CACNA1C: variants seen among roughly 807,000 people sequenced by gnomAD.
The protein encoded by CACNA1C is calcium voltage-gated channel subunit alpha1 C, also known as voltage-dependent L-type calcium channel subunit alpha-1C.
Under a neutral mutation model 229.0 loss-of-function variants are expected in CACNA1C, and 30 were observed. The observed-to-expected ratio is 0.13, with a 90% CI of 0.10 to 0.18. CACNA1C has a LOEUF of 0.18. Ranked by LOEUF, CACNA1C falls within the 10% of genes least tolerant of loss-of-function variation. The pLI is 1.00. For synonymous variants in CACNA1C, 1,114 were observed against 1,132.5 expected, an observed-to-expected ratio of 0.98 and a Z score of 0.33; for missense variants, 1,658 against 2,845.0, an observed-to-expected ratio of 0.58 and a Z score of 9.49.
intron 3 of CACNA1C, among the ~76,000 whole-genome samples, chr12:2,399,316 C>T (rs2098642138): frequency 5.3e-5 from 8 of 152,138 alleles, no homozygotes; most frequent in Admixed American, 3.3e-4. Context: ...AGGGCGACAG[C>T]CTTTTACCCC....
In CACNA1C at chr12:2,608,734, G is replaced by A; in HGVS notation, c.3558+22G>A. 1 of 1,612,274 alleles carries A rather than the reference G, an allele frequency of 6.2e-7. No homozygotes were observed. Among genetic ancestry groups the A allele is most frequent in the Non-Finnish European group, 8.5e-7 (1 of 1,179,002 alleles). ...CCAGGTAGCTTCCTAGGAAGGAGCGGAGGGAAGCGGGGCCCACGGAGGGAA... is the reference window on the plus strand; with the variant it reads ...CCAGGTAGCTTCCTAGGAAGGAGCGAAGGGAAGCGGGGCCCACGGAGGGAA... On this transcript the variant is annotated intron_variant, in intron 27 of 46. Transcript: ENST00000399655. This position sits in a 1 kb window ranked among gnomAD's most constrained non-coding sequence, Gnocchi z 4.2.
intron 10 of CACNA1C, among the ~76,000 whole-genome samples, chr12:2,552,804 G>A (rs2042027897): frequency 6.6e-6 from 1 of 152,144 alleles, no homozygotes; most frequent in African/African-American, 2.4e-5. Flanking sequence ...ACGACAGAGT[G>A]CTCACTCAGG....
chr12:2,550,064 G>C, intron 10 of CACNA1C, 31 bp downstream of exon 10: 1 of 1,422,634 alleles, frequency 7.0e-7, no homozygotes, highest in Non-Finnish European at 9.8e-7. Context: ...CAGGGGCTGG[G>C]GCTTTTTCTG....
At chr12:2,570,294 T>C (rs1014434145) in intron 13 of CACNA1C, among the ~76,000 whole-genome samples, 5 of 152,172 alleles carry the variant, frequency 3.3e-5, no homozygotes, top group Admixed American at 2.0e-4. Flanking sequence ...GTTCAGGATC[T>C]GGAGCTGATG....
In CACNA1C at chr12:2,653,352, CTTTTAAA is replaced by C. The variant is rs958123622; in HGVS notation, c.4075-478_4075-472del. ...AACAGGATTTGAACCCATGATCTTT[CTTTTAAA>C]TTTTTCCTTATTAAATGTTTCCATT... On this transcript the variant is annotated intron_variant, in intron 32 of 46. Coordinates refer to ENST00000399655, the MANE Select transcript of CACNA1C (RefSeq NM_000719.7). The surrounding 1 kb of genome is among the most constrained non-coding windows in gnomAD (Gnocchi z 4.7). Among the ~76,000 whole-genome samples, 1 of 152,284 alleles carries C rather than the reference CTTTTAAA, an allele frequency of 6.6e-6. No individual in the cohort carries two copies. Among genetic ancestry groups the C allele is most frequent in the African/African-American group, 2.4e-5 (1 of 41,554 alleles).
intron 5 of CACNA1C, among the ~76,000 whole-genome samples, chr12:2,468,235 A>G (rs2099570574): frequency 6.6e-6 from 1 of 152,250 alleles, no homozygotes; most frequent in South Asian, 2.1e-4. Context: ...CATGGCAAAG[A>G]ATGCCTGCAG....
chr12:2,235,004 A>G (rs1485758085), intron 3 of CACNA1C, among the ~76,000 whole-genome samples: 4 of 152,128 alleles, frequency 2.6e-5, no homozygotes, highest in Non-Finnish European at 2.9e-5. Context: ...CTATGAACAC[A>G]TAGCCTTTGT....
At chr12:2,652,893 G>GT (rs1555966697) in intron 32 of CACNA1C, among the ~76,000 whole-genome samples, 7 of 80,340 alleles carry the variant, frequency 8.7e-5, no homozygotes, top group African/African-American at 1.9e-4. Flanking sequence ...TACTCTCCCT[G>GT]CCCCCCCGAC....
chr12:2,043,818 GC>G, intron 1 of CACNA1C, among the ~76,000 whole-genome samples: 2 of 136,798 alleles, frequency 1.5e-5, no homozygotes, highest in South Asian at 4.7e-4. Flanking sequence ...ATTGCGCCCG[GC>G]TAATTTTTTG....
At chr12:2,476,004 C>CA (rs542088261) in intron 5 of CACNA1C, among the ~76,000 whole-genome samples, 2 of 151,880 alleles carry the variant, frequency 1.3e-5, no homozygotes, top group East Asian at 1.9e-4. Flanking sequence ...CAGTTTTTTC[C>CA]AAAAAAAGAT....
rs758859203 is a variant in CACNA1C at position 2,630,361 on chromosome 12, C to T, written c.3829-3936C>T. Among the ~76,000 whole-genome samples the T allele has an allele frequency of 6.9e-4, 105 of 152,096 alleles. No homozygotes were observed. The highest frequency in any genetic ancestry group is 1.2e-3 in the Non-Finnish European group (83 of 68,024). ...AAAAACAGAGAGAAGAGAGATGAGA[C>T]AGCATCAAGCCCTTCCACTCCCGAG... is the stretch of plus-strand genomic sequence containing the variant. On this transcript the variant is annotated intron_variant, in intron 29 of 46. Coordinates refer to ENST00000399655, the MANE Select transcript of CACNA1C (RefSeq NM_000719.7). The surrounding 1 kb of genome is among the most constrained non-coding windows in gnomAD (Gnocchi z 5.4).
At chr12:2,494,875 C>T (rs1461959662) in intron 7 of CACNA1C, among the ~76,000 whole-genome samples, 1 of 152,200 alleles carries the variant, frequency 6.6e-6, no homozygotes, top group Non-Finnish European at 1.5e-5. Flanking sequence ...GGACCTTGTA[C>T]CCAGCAAACA....
At chr12:2,531,241 G>A (rs1375470748) in intron 9 of CACNA1C, among the ~76,000 whole-genome samples, 3 of 152,158 alleles carry the variant, frequency 2.0e-5, no homozygotes, top group Non-Finnish European at 4.4e-5. Context: ...CATCTGACTC[G>A]AAAGCCTTCC....
intron 1 of CACNA1C, among the ~76,000 whole-genome samples, chr12:2,044,352 C>T (rs1478494087): frequency 9.2e-5 from 14 of 152,150 alleles, no homozygotes; most frequent in Non-Finnish European, 2.1e-4. Flanking sequence ...GGAAGTCATT[C>T]GGCAAGTTCA....
At chr12:2,581,909 C>G (rs2060616819) in intron 14 of CACNA1C, 112 bp downstream of exon 14, 1 of 679,502 alleles carries the variant, frequency 1.5e-6, no homozygotes, top group Non-Finnish European at 2.6e-6. Flanking sequence ...CATCCTAGAT[C>G]AGCCCTGGAG....
rs4562883 is a variant in CACNA1C, at chr12:2,403,710, C to T, written c.478-45266C>T. 0.19 allele frequency among the ~76,000 whole-genome samples: 28,608 copies of T among 151,946 alleles called. 3,228 individuals carry two copies. Among genetic ancestry groups the T allele is most frequent in the African/African-American group, 0.31 (12,866 of 41,364 alleles). ...CCTGCAGGGCCCCTCCTCCATCTCT[C>T]CAGTCCAGCCCCCACCATCTCCCAG... On this transcript the variant is annotated intron_variant, in intron 3 of 46. Transcript: ENST00000399655. This position sits in a 1 kb window ranked among gnomAD's most constrained non-coding sequence, Gnocchi z 4.1.
At chr12:2,115,188 C>CT in intron 1 of CACNA1C, 36 bp from the exon 2 acceptor site, 6 of 1,443,276 alleles carry the variant, frequency 4.2e-6, no homozygotes, top group Non-Finnish European at 5.6e-6. Flanking sequence ...TGTTTTCTAT[C>CT]TAGTAACTGT....
rs777019948 is a variant in CACNA1C at position 2,605,525 on chromosome 12, T to A, written c.3049-154T>A. On this transcript the variant is annotated intron_variant, in intron 23 of 46. Transcript: ENST00000399655. The surrounding 1 kb of genome is among the most constrained non-coding windows in gnomAD (Gnocchi z 6.2). ...TGGGGGCCTTTGCATCCCATTAGGG[T>A]CCATCACTTCCCATGTGACTTTGGG... 2.0e-5 allele frequency among the ~76,000 whole-genome samples: 3 copies of A among 152,094 alleles called. No individual in the cohort carries two copies. The highest frequency in any genetic ancestry group is 4.4e-5 in the Non-Finnish European group (3 of 68,020).
intron 7 of CACNA1C, among the ~76,000 whole-genome samples, chr12:2,502,966 G>C (rs549564649): frequency 2.0e-5 from 3 of 152,296 alleles, no homozygotes; most frequent in East Asian, 1.9e-4. Flanking sequence ...GCAGGAATCT[G>C]CTTTGTTCAT....
Sources: allele counts gnomAD v4.1 joint callset (sites outside exome capture counted in the v4.1 genomes callset), GRCh38; gene constraint gnomAD v4.1.1; non-coding constraint Gnocchi (gnomAD v3.1); transcripts MANE v1.5; gene names NCBI Gene and HGNC (gene_info 2026-07-23, HGNC 2026-07-21).